CACNA2D4: variants seen among roughly 807,000 people sequenced by gnomAD.
CACNA2D4 encodes voltage-dependent calcium channel subunit alpha-2/delta-4.
Under a neutral mutation model 163.8 loss-of-function variants are expected in CACNA2D4, and 157 were observed. That is an observed-to-expected ratio of 0.96 (90% confidence interval 0.84 to 1.09). CACNA2D4 has a LOEUF of 1.09. Among genes scored for constraint, CACNA2D4 ranks in the 50% least tolerant of loss-of-function variants. CACNA2D4 has a pLI of 0.00. For synonymous variants in CACNA2D4, 598 were observed against 586.9 expected (o/e 1.02, Z -0.27); for missense variants, 1,410 against 1,479.9 (o/e 0.95, Z 0.78).
intron 18 of CACNA2D4, among the ~76,000 whole-genome samples, chr12:1,861,591 C>T (rs1007813084): frequency 3.9e-5 from 6 of 152,090 alleles, no homozygotes; most frequent in African/African-American, 7.2e-5. Context: ...TACAGGCACA[C>T]GCCACCACAC....
At chr12:1,913,501 G>T (rs1271810534) in intron 2 of CACNA2D4, among the ~76,000 whole-genome samples, 1 of 152,218 alleles carries the variant, frequency 6.6e-6, no homozygotes, top group Admixed American at 6.5e-5. Flanking sequence ...TGTCCTTTGT[G>T]CAGAGCCACG....
intron 27 of CACNA2D4, 65 bp downstream of exon 27, chr12:1,811,597 G>C (rs2154445854): frequency 1.4e-6 from 2 of 1,479,582 alleles, no homozygotes; most frequent in South Asian, 1.2e-5. Flanking sequence ...GGAGGGAGAG[G>C]GGGTCTCACA....
chr12:1,858,661 G>A lies in CACNA2D4; in HGVS notation c.1941-17C>T. ...ACCCCCAAACTGTGGGGAGAGAAGA[G>A]AAGGCACTCATTCAGCAGCAGCAGA... On this transcript the variant is annotated splice_polypyrimidine_tract_variant and intron_variant, in intron 19 of 37. Transcript: ENST00000382722. 1 of 1,575,250 alleles carries A rather than the reference G, an allele frequency of 6.3e-7. No individual in the cohort carries two copies. The highest frequency in any genetic ancestry group is 1.2e-5 in the South Asian group (1 of 85,980).
chr12:1,896,744 A>G (rs2154450510), intron 6 of CACNA2D4, among the ~76,000 whole-genome samples: 1 of 152,256 alleles, frequency 6.6e-6, no homozygotes, highest in South Asian at 2.1e-4. Flanking sequence ...GGAAAACAAT[A>G]TGGTGATTTC....
chr12:1,884,904 C>T (rs1866097653), intron 10 of CACNA2D4, 23 bp from the exon 11 acceptor site: 1 of 1,607,880 alleles, frequency 6.2e-7, no homozygotes, highest in Non-Finnish European at 8.5e-7. Context: ...GAGGAGTGCC[C>T]ATGACCACAG....
chr12:1,855,829 C>G (rs1865386563), intron 22 of CACNA2D4, among the ~76,000 whole-genome samples, 183 bp downstream of exon 22: 1 of 152,222 alleles, frequency 6.6e-6, no homozygotes, highest in South Asian at 2.1e-4. Flanking sequence ...ACCAGCTCAG[C>G]CCTGTGGTAA....
Position 1,834,755 on chromosome 12 carries a change from G to A in CACNA2D4, c.2551+5984C>T, listed in dbSNP as rs140355519. On this transcript the variant is annotated intron_variant, in intron 26 of 37. Transcript: ENST00000382722. The surrounding 1 kb of genome is among the most constrained non-coding windows in gnomAD (Gnocchi z 7.6). ...CCCCACCCGGCCAGGTAGGAAGGGC[G>A]GGGAGAGCACACGGCATTGCTCAGC... 3.8e-3 allele frequency: 5,904 copies of A among 1,553,360 alleles called. 376 individuals are homozygous for A. In the Admixed American group the frequency reaches 0.099, roughly 26 times the overall value.
In CACNA2D4 at chr12:1,878,884, G is replaced by A; in HGVS notation, c.1644+72C>T. 1 of 1,387,412 alleles carries A rather than the reference G, an allele frequency of 7.2e-7. No homozygotes were observed. The highest frequency in any genetic ancestry group is 1.0e-6 in the Non-Finnish European group (1 of 994,120). 85.9% of individuals were successfully genotyped at this position (1,387,412 alleles called of 1,614,324 possible). ...CTGGGCTTGGCTTGCCTGGAGAGAG[G>A]CTCCCATCACGGGGGAGGGAGTTTG... On this transcript the variant is annotated intron_variant, in intron 15 of 37. Coordinates refer to ENST00000382722, the MANE Select transcript of CACNA2D4 (RefSeq NM_172364.5). This position sits in a 1 kb window ranked among gnomAD's most constrained non-coding sequence, Gnocchi z 4.6.
At chr12:1,881,888 T>C (rs141473705) in intron 13 of CACNA2D4, among the ~76,000 whole-genome samples, 107 of 152,342 alleles carry the variant, frequency 7.0e-4, no homozygotes, top group African/African-American at 2.6e-3. Context: ...TGGAGGTAAG[T>C]AAGCATGCCA....
intron 34 of CACNA2D4, chr12:1,797,761 CT>C (rs1863178967): frequency 3.4e-6 from 2 of 588,156 alleles, no homozygotes; most frequent in Admixed American, 6.0e-5. Flanking sequence ...CGCAGGGGCC[CT>C]GAGCCTCGGT....
Position 1,793,513 on chromosome 12 carries a change from A to G in CACNA2D4, c.*142T>C. The G allele has an allele frequency of 1.4e-6, 1 of 725,900 alleles. No individual in the cohort carries two copies. The highest frequency in any genetic ancestry group is 2.5e-6 in the Non-Finnish European group (1 of 402,646). 45.0% of individuals were successfully genotyped at this position (725,900 alleles called of 1,614,324 possible). On this transcript the variant is annotated 3_prime_UTR_variant, in exon 38 of 38. Transcript: ENST00000382722. ...GTTCCATCCAGCATTCTCCGGAGCC[A>G]GGGGCCACCAGCCCAGGATTGAGAG...
intron 35 of CACNA2D4, among the ~76,000 whole-genome samples, chr12:1,796,399 GTGT>G (rs1863129123): frequency 6.6e-6 from 1 of 152,390 alleles, no homozygotes; most frequent in African/African-American, 2.4e-5. Flanking sequence ...TATGAGGCTG[GTGT>G]TGTGCCCATT....
rs1454993323 is a variant in CACNA2D4, at chr12:1,871,646, G to GTGTGTACACGTGTGTGCTGCTCGTA, written c.1878+2957_1878+2958insTACGAGCAGCACACACGTGTACACA. Among the ~76,000 whole-genome samples, 49 of 152,148 alleles carry GTGTGTACACGTGTGTGCTGCTCGTA rather than the reference G, an allele frequency of 3.2e-4. 1 individual carries two copies. The highest frequency in any genetic ancestry group is 3.4e-3 in the Middle Eastern group (1 of 294). ...GCATGTGTACACGCGTGTTACTGGTGTGTGTACACGTGTGTGCTGCTGGTA... is the reference window on the plus strand; with the variant it reads ...GCATGTGTACACGCGTGTTACTGGTGTGTGTACACGTGTGTGCTGCTCGTATGTGTACACGTGTGTGCTGCTGGTA... On this transcript the variant is annotated intron_variant, in intron 18 of 37. Transcript: ENST00000382722.
Position 1,885,180 on chromosome 12 carries a change from A to T in CACNA2D4, c.1069-104T>A. 8.9e-6 allele frequency: 8 copies of T among 901,284 alleles called. No individual in the cohort carries two copies. In the South Asian group the frequency reaches 1.0e-4, roughly 12 times the overall value. The allele number at this position is 901,284 out of a possible 1,614,324, so 55.8% of individuals were successfully genotyped here. ...AGGCTGTTTAGGGCCATCCAGAAGG[A>T]CATGATTTCAGGGCCTGTGTCTCCA... On this transcript the variant is annotated intron_variant, in intron 9 of 37. Transcript: ENST00000382722.
At chr12:1,819,523 C>G (rs983837248) in intron 26 of CACNA2D4, among the ~76,000 whole-genome samples, 2 of 152,068 alleles carry the variant, frequency 1.3e-5, no homozygotes. Context: ...GGTGATATAT[C>G]GCTAGCACGG....
chr12:1,801,913 A>G (rs1360090601), intron 29 of CACNA2D4, among the ~76,000 whole-genome samples: 7 of 152,016 alleles, frequency 4.6e-5, no homozygotes, highest in Admixed American at 4.6e-4. Flanking sequence ...AGAGGCTGCA[A>G]TGTGATTTTT....
At chr12:1,815,860 T>C (rs1367591373) in intron 26 of CACNA2D4, among the ~76,000 whole-genome samples, 1 of 152,138 alleles carries the variant, frequency 6.6e-6, no homozygotes. Flanking sequence ...GAAATGGGGA[T>C]TTAAGTGAGA....
chr12:1,830,052 G>A (rs1864552426), intron 26 of CACNA2D4, among the ~76,000 whole-genome samples: 1 of 152,232 alleles, frequency 6.6e-6, no homozygotes, highest in Non-Finnish European at 1.5e-5. Flanking sequence ...GAAGGGTCTT[G>A]GGCAAAAGAT....
At position 1,844,371 on chromosome 12, in the gene CACNA2D4, C is replaced by T. The variant is rs746774989; in HGVS notation, c.2470+31G>A. On this transcript the variant is annotated intron_variant, in intron 25 of 37. Transcript: ENST00000382722. The surrounding 1 kb of genome is among the most constrained non-coding windows in gnomAD (Gnocchi z 4.2). ...GAGATGAGACTGGCCTGAGACTGGCCCAGCCCCGGGAGCACCGGGCTGTGT... is the reference window on the plus strand; with the variant it reads ...GAGATGAGACTGGCCTGAGACTGGCTCAGCCCCGGGAGCACCGGGCTGTGT... 1 of 1,609,982 alleles carries T rather than the reference C, an allele frequency of 6.2e-7. No individual in the cohort carries two copies. Among genetic ancestry groups the T allele is most frequent in the South Asian group, 1.1e-5 (1 of 90,494 alleles).
Sources: gnomAD v4.1 joint callset for allele counts (sites outside exome capture counted in the v4.1 genomes callset) on GRCh38, gnomAD v4.1.1 for gene constraint, Gnocchi (gnomAD v3.1) non-coding constraint, MANE v1.5 for transcripts, NCBI Gene and HGNC (gene_info 2026-07-23, HGNC 2026-07-21) for gene names.